LUZP2: variants seen among roughly 807,000 people sequenced by gnomAD.
The protein encoded by LUZP2 is leucine zipper protein 2.
LUZP2 carries 52 observed loss-of-function variants against 51.6 expected under a neutral mutation model. That is an observed-to-expected ratio of 1.01 (90% CI 0.81 to 1.27). The LOEUF (loss-of-function observed/expected upper bound fraction) is 1.27. Ranked by LOEUF, LUZP2 falls within the 50% of genes most tolerant of loss-of-function variation. The probability of loss-of-function intolerance (pLI) is 0.00; values close to 1 mark genes in which losing one functional copy is unlikely to be tolerated. For missense variants in LUZP2, 436 were observed against 395.4 expected, an observed-to-expected ratio of 1.10 and a Z score of -0.87; for synonymous variants, 154 against 137.3, an observed-to-expected ratio of 1.12 and a Z score of -0.85.
chr11:24,620,618 C>T (rs1467141414), intron 1 of LUZP2, among the ~76,000 whole-genome samples: 1 of 152,210 alleles, frequency 6.6e-6, no homozygotes, highest in Non-Finnish European at 1.5e-5. Flanking sequence ...GTCAAAGTCA[C>T]TAAATTCTTG....
chr11:24,526,715 A>C (rs1850817702), intron 1 of LUZP2, among the ~76,000 whole-genome samples: 1 of 151,314 alleles, frequency 6.6e-6, no homozygotes, highest in Non-Finnish European at 1.5e-5. Context: ...TCTATTTAAG[A>C]ACCTGTCAAA....
At chr11:24,923,473 T>A (rs1440039147) in intron 7 of LUZP2, among the ~76,000 whole-genome samples, 1 of 151,668 alleles carries the variant, frequency 6.6e-6, no homozygotes, top group Non-Finnish European at 1.5e-5. Flanking sequence ...GAGGTGGGGG[T>A]ATCACCTGAG....
At position 24,693,252 on chromosome 11, in the gene LUZP2, G is replaced by T. The variant is rs572013947; in HGVS notation, c.63-35917G>T. ...AAGCATGGTTTTTATACAGCATTGG[G>T]TGATTTATTGTATGACTATGCCACT... is the stretch of plus-strand genomic sequence containing the variant. On this transcript the variant is annotated intron_variant, in intron 1 of 11. Transcript: ENST00000336930. Among the ~76,000 whole-genome samples the T allele has an allele frequency of 1.8e-4, 27 of 151,400 alleles. No individual in the cohort carries two copies. The South Asian group carries it at 5.4e-3, about 30-fold the overall frequency.
chr11:24,972,116 G>A (rs1399566746), intron 7 of LUZP2, among the ~76,000 whole-genome samples: 1 of 136,398 alleles, frequency 7.3e-6, no homozygotes, highest in Non-Finnish European at 1.5e-5. Flanking sequence ...ACTCCAGCCT[G>A]GGTGACAGCG....
At chr11:24,937,703 C>A (rs1025034555) in intron 7 of LUZP2, among the ~76,000 whole-genome samples, 2 of 151,910 alleles carry the variant, frequency 1.3e-5, no homozygotes, top group African/African-American at 4.8e-5. Context: ...AGATCAAGAC[C>A]ATCCTGGCTA....
At chr11:25,004,162 G>A (rs7115480) in intron 9 of LUZP2, among the ~76,000 whole-genome samples, 7,848 of 152,214 alleles carry the variant, frequency 0.052, 486 homozygotes, top group African/African-American at 0.15. Flanking sequence ...TGGATCATCT[G>A]GTTGGGGGCT....
chr11:24,986,619 G>T (rs1856196296), intron 9 of LUZP2, among the ~76,000 whole-genome samples: 2 of 150,828 alleles, frequency 1.3e-5, no homozygotes, highest in South Asian at 4.2e-4. Context: ...CAAAAAAAGT[G>T]ACTAACATTT....
At chr11:24,670,165 C>A (rs1305930731) in intron 1 of LUZP2, among the ~76,000 whole-genome samples, 2 of 152,034 alleles carry the variant, frequency 1.3e-5, no homozygotes, top group Non-Finnish European at 2.9e-5. Flanking sequence ...ATATAGTGTT[C>A]ATAGAAGCAA....
rs567367059 is a variant in LUZP2, at chr11:24,896,379, GA to G, written c.397-9611del. On this transcript the variant is annotated intron_variant, in intron 5 of 11. Transcript: ENST00000336930. ...GGGGCCTCAGCGGTCCCCACACTTGGAGCAGCCAGCCGGCCGGCGATGCCAG... is the reference window on the plus strand; with the variant it reads ...GGGGCCTCAGCGGTCCCCACACTTGGGCAGCCAGCCGGCCGGCGATGCCAG... 1.2e-4 allele frequency among the ~76,000 whole-genome samples: 19 copies of G among 152,290 alleles called. No individual in the cohort carries two copies. In the South Asian group the frequency reaches 3.9e-3, roughly 32 times the overall value.
rs148207354 is a variant in LUZP2, at chr11:24,995,909, C to A, written c.765+12616C>A. Among the ~76,000 whole-genome samples, 528 of 151,856 alleles carry A rather than the reference C, an allele frequency of 3.5e-3. 5 individuals carry two copies. Among genetic ancestry groups the A allele is most frequent in the African/African-American group, 0.012 (498 of 41,492 alleles). On this transcript the variant is annotated intron_variant, in intron 9 of 11. Transcript: ENST00000336930. ...AGTCATTCTAAATTCAGTGTTAGTG[C>A]TACATGACCCAATCTTTTTTTTCTA...
intron 5 of LUZP2, among the ~76,000 whole-genome samples, chr11:24,868,165 A>T (rs1046473842): frequency 2.0e-5 from 3 of 152,140 alleles, no homozygotes; most frequent in African/African-American, 4.8e-5. Flanking sequence ...TGCTAAGGTG[A>T]AGACAATTAA....
intron 5 of LUZP2, among the ~76,000 whole-genome samples, chr11:24,815,179 C>T (rs1010295514): frequency 6.6e-6 from 1 of 152,118 alleles, no homozygotes; most frequent in African/African-American, 2.4e-5. Context: ...AACCCCCATA[C>T]ACAAATTTTC....
intron 1 of LUZP2, among the ~76,000 whole-genome samples, chr11:24,661,310 G>T (rs1047594319): frequency 2.0e-5 from 3 of 152,132 alleles, no homozygotes; most frequent in South Asian, 2.1e-4. Context: ...CTGCCTCATT[G>T]CTATGTGATT....
intron 1 of LUZP2, among the ~76,000 whole-genome samples, chr11:24,693,824 C>T (rs4350363): frequency 0.17 from 26,360 of 151,702 alleles, 2,404 homozygotes; most frequent in East Asian, 0.32. Context: ...AAGAGGTGTA[C>T]AGATGGAGAA....
chr11:24,929,010 T>C (rs989553451), intron 7 of LUZP2, among the ~76,000 whole-genome samples: 2 of 152,082 alleles, frequency 1.3e-5, no homozygotes, highest in African/African-American at 4.8e-5. Context: ...TTCTAGTTTA[T>C]GCATGTAAAG....
chr11:25,041,750 G>C (rs752083871), intron 9 of LUZP2, among the ~76,000 whole-genome samples: 6 of 152,046 alleles, frequency 3.9e-5, no homozygotes, highest in Non-Finnish European at 8.8e-5. Flanking sequence ...ATTCTTCAGC[G>C]CAGGGGTCCC....
At chr11:24,827,420 T>A (rs550255715) in intron 5 of LUZP2, among the ~76,000 whole-genome samples, 1 of 152,226 alleles carries the variant, frequency 6.6e-6, no homozygotes, top group South Asian at 2.1e-4. Flanking sequence ...ATTACCAACA[T>A]TTATGGAACA....
chr11:24,923,137 C>T (rs928217680), intron 7 of LUZP2, among the ~76,000 whole-genome samples: 4 of 151,806 alleles, frequency 2.6e-5, no homozygotes, highest in East Asian at 3.9e-4. Context: ...CGTGAGCCAC[C>T]GCGCCCGGCC....
intron 1 of LUZP2, among the ~76,000 whole-genome samples, chr11:24,667,809 G>A (rs1409967429): frequency 6.6e-6 from 1 of 152,118 alleles, no homozygotes; most frequent in Non-Finnish European, 1.5e-5. Context: ...TATTTGCATT[G>A]CCTTTGCAGA....
Sources: allele counts gnomAD v4.1 joint callset (sites outside exome capture counted in the v4.1 genomes callset), GRCh38; gene constraint gnomAD v4.1.1; transcripts MANE v1.5; gene names NCBI Gene and HGNC (gene_info 2026-07-23, HGNC 2026-07-21).